The following CNTNAP2 variants were observed in gnomAD, a reference collection of about 807,000 sequenced individuals.
The protein encoded by CNTNAP2 is contactin-associated protein-like 2.
A neutral mutation model predicts 155.2 loss-of-function variants in CNTNAP2; 98 were observed. That is an observed-to-expected ratio of 0.63 (90% CI 0.54 to 0.75). CNTNAP2 has a LOEUF of 0.75. CNTNAP2 is among the 30% of genes least tolerant of loss of function. The pLI, the probability that CNTNAP2 is intolerant of heterozygous loss-of-function variation, is 0.00. For synonymous variants in CNTNAP2, 651 were observed against 631.2 expected (o/e 1.03, Z -0.47); for missense variants, 1,727 against 1,688.1 (o/e 1.02, Z -0.40).
rs190573614 is a variant in CNTNAP2 at position 147,094,043 on chromosome 7, C to T, written c.551-14104C>T. ...GTCACCAGCTCACGGCTCTTTCATGCTAGAATCACACACTGGTGGCTTCTA... is the reference window on the plus strand; with the variant it reads ...GTCACCAGCTCACGGCTCTTTCATGTTAGAATCACACACTGGTGGCTTCTA... On this transcript the variant is annotated intron_variant, in intron 4 of 23. Transcript: ENST00000361727. Among the ~76,000 whole-genome samples the T allele has an allele frequency of 2.1e-3, 323 of 152,298 alleles. 1 individual carries two copies. Among genetic ancestry groups the T allele is most frequent in the African/African-American group, 7.4e-3 (309 of 41,564 alleles).
intron 1 of CNTNAP2, among the ~76,000 whole-genome samples, chr7:146,721,044 A>ATATATATACTCTATATATAT (rs1801288809): frequency 7.4e-6 from 1 of 135,928 alleles, no homozygotes; most frequent in African/African-American, 2.7e-5. Flanking sequence ...TATATATTCT[A>ATATATATACTCTATATATAT]TATATATACT....
intron 3 of CNTNAP2, among the ~76,000 whole-genome samples, chr7:146,959,775 G>T (rs1797519399): frequency 6.6e-6 from 1 of 151,528 alleles, no homozygotes; most frequent in South Asian, 2.1e-4. Context: ...TTTCCAGGCT[G>T]ATTGTAAAAT....
At chr7:147,874,936 A>T (rs1026778972) in intron 13 of CNTNAP2, among the ~76,000 whole-genome samples, 5 of 152,158 alleles carry the variant, frequency 3.3e-5, no homozygotes, top group Non-Finnish European at 5.9e-5. Context: ...CCTTTCCTCC[A>T]GTTCCCAACA....
intron 2 of CNTNAP2, among the ~76,000 whole-genome samples, chr7:146,829,455 C>T (rs973368056): frequency 6.6e-6 from 1 of 151,974 alleles, no homozygotes; most frequent in Admixed American, 6.6e-5. Flanking sequence ...TTAAAATCAG[C>T]TCAATATTCA....
chr7:147,328,946 G>T (rs1795508138), intron 9 of CNTNAP2, among the ~76,000 whole-genome samples: 1 of 152,100 alleles, frequency 6.6e-6, no homozygotes, highest in South Asian at 2.1e-4. Context: ...CCTTCAGTAT[G>T]CATTTGTAAC....
chr7:148,052,222 C>A (rs559785173), intron 15 of CNTNAP2, among the ~76,000 whole-genome samples: 40 of 150,064 alleles, frequency 2.7e-4, no homozygotes, highest in Non-Finnish European at 4.9e-4. Context: ...ATTAAAAGTT[C>A]ATGTAAGTAC....
chr7:148,107,235 C>T (rs1170460357), intron 15 of CNTNAP2, among the ~76,000 whole-genome samples: 1 of 152,104 alleles, frequency 6.6e-6, no homozygotes, highest in Non-Finnish European at 1.5e-5. Flanking sequence ...TACCACAAGC[C>T]CCAGAACCTG....
chr7:147,848,476 A>G (rs1798856847), intron 13 of CNTNAP2, among the ~76,000 whole-genome samples: 1 of 150,064 alleles, frequency 6.7e-6, no homozygotes, highest in Admixed American at 6.7e-5. Flanking sequence ...GCGCACACAC[A>G]CTGGCCTGCG....
chr7:148,278,695 C>G (rs1317795864), intron 21 of CNTNAP2, among the ~76,000 whole-genome samples: 1 of 152,080 alleles, frequency 6.6e-6, no homozygotes, highest in Non-Finnish European at 1.5e-5. Flanking sequence ...ACAGAAATCT[C>G]TTATCTTTAT....
rs148402894 is a variant in CNTNAP2, at chr7:146,977,481, C to G, written c.403-66426C>G. ...TTTGGAAGACTCTCAGGAGGAGTCT[C>G]CTGTCCTTGATGGCCTATTAGCCCT... On this transcript the variant is annotated intron_variant, in intron 3 of 23. Transcript: ENST00000361727. Among the ~76,000 whole-genome samples, 301 of 152,290 alleles carry G rather than the reference C, an allele frequency of 2.0e-3. 3 individuals carry two copies. The highest frequency in any genetic ancestry group is 6.4e-3 in the African/African-American group (267 of 41,574).
intron 8 of CNTNAP2, among the ~76,000 whole-genome samples, chr7:147,225,053 T>C (rs1483857220): frequency 6.6e-6 from 1 of 152,192 alleles, no homozygotes; most frequent in African/African-American, 2.4e-5. Context: ...CTTAGTGACT[T>C]GAATTAAATT....
intron 10 of CNTNAP2, among the ~76,000 whole-genome samples, chr7:147,399,277 A>C (rs774618013): frequency 1.3e-5 from 2 of 152,172 alleles, no homozygotes. Flanking sequence ...ATAGAGCAAC[A>C]TGATGTACTC....
At chr7:147,431,067 A>G (rs933127120) in intron 10 of CNTNAP2, among the ~76,000 whole-genome samples, 1 of 150,160 alleles carries the variant, frequency 6.7e-6, no homozygotes, top group Non-Finnish European at 1.5e-5. Context: ...AAAAAAAAAG[A>G]TACATGGGAT....
intron 3 of CNTNAP2, among the ~76,000 whole-genome samples, chr7:146,923,106 G>A (rs1478046024): frequency 1.3e-5 from 2 of 152,178 alleles, no homozygotes; most frequent in South Asian, 2.1e-4. Context: ...TCTGGGGCAA[G>A]TTGCTTAATC....
intron 8 of CNTNAP2, among the ~76,000 whole-genome samples, chr7:147,187,672 A>G (rs937885214): frequency 3.3e-5 from 5 of 152,286 alleles, no homozygotes; most frequent in African/African-American, 1.2e-4. Flanking sequence ...ACTACCAGTC[A>G]CACCCCATAC....
chr7:148,389,449 T>C (rs1799295520), intron 22 of CNTNAP2, among the ~76,000 whole-genome samples: 1 of 152,218 alleles, frequency 6.6e-6, no homozygotes, highest in Non-Finnish European at 1.5e-5. Context: ...TCGCCAGCCG[T>C]GTGGAACTGG....
intron 2 of CNTNAP2, among the ~76,000 whole-genome samples, chr7:146,790,133 C>G (rs1050877717): frequency 6.6e-6 from 1 of 152,066 alleles, no homozygotes; most frequent in African/African-American, 2.4e-5. Flanking sequence ...TCCCAAACTT[C>G]TTTCTATCAA....
chr7:147,686,537 T>C (rs1379190488), intron 13 of CNTNAP2, among the ~76,000 whole-genome samples: 1 of 151,954 alleles, frequency 6.6e-6, no homozygotes, highest in African/African-American at 2.4e-5. Flanking sequence ...AGGGGTCCAA[T>C]TAAAATCACC....
At chr7:146,121,099 TAAAGTTTACATAAAGCTTCC>T (rs1797555687) in intron 1 of CNTNAP2, among the ~76,000 whole-genome samples, 5 of 149,656 alleles carry the variant, frequency 3.3e-5, no homozygotes, top group Non-Finnish European at 3.0e-5. Flanking sequence ...TCAAATGTCT[TAAAGTTTACATAAAGCTTCC>T]TTTTTTTTTT....
Sources: gnomAD v4.1 joint callset for allele counts (sites outside exome capture counted in the v4.1 genomes callset) on GRCh38, gnomAD v4.1.1 for gene constraint, MANE v1.5 for transcripts, NCBI Gene and HGNC (gene_info 2026-07-23, HGNC 2026-07-21) for gene names.